JPH2: variants seen among roughly 807,000 people sequenced by gnomAD.
JPH2 encodes the protein junctophilin 2.
A neutral mutation model predicts 55.9 loss-of-function variants in JPH2; 38 were observed. That is an observed-to-expected ratio of 0.68 (90% CI 0.52 to 0.89). The LOEUF is 0.89. Ranked by LOEUF, JPH2 falls within the 40% of genes least tolerant of loss-of-function variation. The probability of loss-of-function intolerance (pLI) is 0.00; values close to 1 mark genes in which losing one functional copy is unlikely to be tolerated. For missense variants in JPH2, 964 were observed against 1,037.6 expected (o/e 0.93, Z 0.97); for synonymous variants, 480 against 472.4 (o/e 1.02, Z -0.21).
At chr20:44,173,966 C>A (rs1439438648) in intron 1 of JPH2, among the ~76,000 whole-genome samples, 1 of 152,132 alleles carries the variant, frequency 6.6e-6, no homozygotes, top group Non-Finnish European at 1.5e-5. Context: ...TCTTCTAGTC[C>A]AAGCCCATAA....
intron 2 of JPH2, among the ~76,000 whole-genome samples, chr20:44,127,652 A>ATT (rs200155785): frequency 1.8e-4 from 27 of 150,758 alleles, no homozygotes; most frequent in South Asian, 6.3e-4. Context: ...TGCCTGGCTG[A>ATT]TTTTTTTTTG....
intron 2 of JPH2, among the ~76,000 whole-genome samples, chr20:44,120,010 C>G (rs2072223783): frequency 6.6e-6 from 1 of 152,096 alleles, no homozygotes; most frequent in African/African-American, 2.4e-5. Flanking sequence ...ATCCATGCTC[C>G]AGAGCCCCCG....
At chr20:44,161,913 C>T (rs1165505519) in intron 1 of JPH2, among the ~76,000 whole-genome samples, 1 of 152,136 alleles carries the variant, frequency 6.6e-6, no homozygotes, top group Non-Finnish European at 1.5e-5. Context: ...CTCCAGATGT[C>T]ACCTTGGAAA....
chr20:44,127,155 C>T (rs909547647), intron 2 of JPH2, among the ~76,000 whole-genome samples: 3 of 152,196 alleles, frequency 2.0e-5, no homozygotes, highest in African/African-American at 7.2e-5. Context: ...CTTTTTATTG[C>T]TAACTAATAT....
At chr20:44,118,742 T>C in intron 2 of JPH2, 119 bp from the exon 3 acceptor site, 1 of 811,130 alleles carries the variant, frequency 1.2e-6, no homozygotes, top group Non-Finnish European at 2.1e-6. Flanking sequence ...AGGCAGTCAA[T>C]GAATATTTAT....
intron 1 of JPH2, among the ~76,000 whole-genome samples, chr20:44,179,888 G>T (rs571133990): frequency 6.6e-6 from 1 of 152,196 alleles, no homozygotes; most frequent in Middle Eastern, 3.2e-3. Context: ...AACAGGAGCC[G>T]TAACTACTTC....
At chr20:44,182,241 G>A (rs1162527920) in intron 1 of JPH2, among the ~76,000 whole-genome samples, 1 of 152,188 alleles carries the variant, frequency 6.6e-6, no homozygotes, top group Non-Finnish European at 1.5e-5. Flanking sequence ...CAAAGGGTGA[G>A]TGCAGATCCT....
Position 44,116,292 on chromosome 20 carries a change from GC to G in JPH2, c.1382del (p.Gly461AlafsTer47). 1 of 1,538,434 alleles carries G rather than the reference GC, an allele frequency of 6.5e-7. No homozygotes were observed. Among genetic ancestry groups the G allele is most frequent in the Non-Finnish European group, 8.7e-7 (1 of 1,144,776 alleles). ...EPPDRGAGAA[G>X]LPQPPRESPQ... ...GGCTCTCGCGGGGCGGCTGTGGGAG[GC>G]CCGCTGCGCCGGCGCCCCGGTCGGG... On this transcript the variant is annotated frameshift_variant, in exon 4 of 6. Coordinates refer to ENST00000372980, the MANE Select transcript of JPH2 (RefSeq NM_020433.5). LOFTEE classifies it high-confidence loss of function.
intron 1 of JPH2, among the ~76,000 whole-genome samples, chr20:44,163,800 CT>C: frequency 6.6e-6 from 1 of 152,330 alleles, no homozygotes; most frequent in South Asian, 2.1e-4. Flanking sequence ...CCATCAATTC[CT>C]GTTTATTCTG....
Position 44,160,013 on chromosome 20 carries a change from G to T in JPH2, c.774C>A (p.Ser258Arg). 6.4e-7 allele frequency: 1 copy of T among 1,571,004 alleles called. No homozygotes were observed. The highest frequency in any genetic ancestry group is 8.6e-7 in the Non-Finnish European group (1 of 1,165,510). Residue 258 changes from serine (S) to arginine (R), a missense_variant, in exon 2 of 6, where the codon AGC (serine) becomes AGA (arginine). Physicochemically the swap from Ser to Arg is moderately radical, Grantham distance 110. Transcript: ENST00000372980. The surrounding 1 kb of genome is among the most constrained non-coding windows in gnomAD (Gnocchi z 4.9). ...CCAGGCTGGCGGTGGACGCGGCGTC[G>T]CTGGCGCCCGAGCTGAGGTCGCTCT... ...FLKSDLSSGA[S>R]DAASTASLGE...
intron 5 of JPH2, among the ~76,000 whole-genome samples, chr20:44,113,847 G>A (rs903244646): frequency 6.6e-6 from 1 of 152,170 alleles, no homozygotes; most frequent in African/African-American, 2.4e-5. Flanking sequence ...CATTCCCAGA[G>A]CCCCTGTTGA....
At chr20:44,185,873 AGAT>A (rs2072834763) in intron 1 of JPH2, among the ~76,000 whole-genome samples, 1 of 150,070 alleles carries the variant, frequency 6.7e-6, no homozygotes, top group African/African-American at 2.5e-5. Flanking sequence ...GTGTGTGGAT[AGAT>A]GATGAGTGGA....
chr20:44,123,963 C>T (rs2072257915), intron 2 of JPH2, among the ~76,000 whole-genome samples: 3 of 152,182 alleles, frequency 2.0e-5, no homozygotes, highest in African/African-American at 4.8e-5. Context: ...AGCATTCCTG[C>T]TCTGCTGACC....
intron 1 of JPH2, among the ~76,000 whole-genome samples, chr20:44,168,788 T>A (rs1043664959): frequency 6.6e-6 from 1 of 152,216 alleles, no homozygotes; most frequent in Non-Finnish European, 1.5e-5. Context: ...GCAAGTGCTA[T>A]GGTTCAGATG....
chr20:44,114,020 A>G (rs2072166807), intron 5 of JPH2, among the ~76,000 whole-genome samples: 1 of 152,238 alleles, frequency 6.6e-6, no homozygotes, highest in Admixed American at 6.5e-5. Context: ...CCTGAGGAAA[A>G]GGCAGAAACC....
In JPH2 at chr20:44,160,005, G is replaced by A. The variant is rs2072597044; in HGVS notation, c.782C>T (p.Ala261Val). 1.3e-6 allele frequency: 2 copies of A among 1,577,464 alleles called. No homozygotes were observed. Among genetic ancestry groups the A allele is most frequent in the Admixed American group, 1.8e-5 (1 of 56,300 alleles). The change falls in exon 2 of 6, where the codon GCG (alanine) becomes GTG (valine). Residue 261 changes from alanine (A) to valine (V), a missense_variant. Ala to Val is a moderately conservative substitution (Grantham distance 64, BLOSUM62 0). Coordinates refer to ENST00000372980, the MANE Select transcript of JPH2 (RefSeq NM_020433.5). This position sits in a 1 kb window ranked among gnomAD's most constrained non-coding sequence, Gnocchi z 4.9. The stretch of plus-strand genomic sequence containing the variant: ...GGCCTCTCCCAGGCTGGCGGTGGAC[G>A]CGGCGTCGCTGGCGCCCGAGCTGAG... ...SDLSSGASDAASTASLGEAAE... is the reference protein window; with the variant it reads ...SDLSSGASDAVSTASLGEAAE...
rs577608659 is a variant in JPH2, at chr20:44,110,997, C to T, written c.*2521G>A. ...CTCCAACCCCCTCGCTGGGAACCACCGGCTGTGAGAGTAACTTCATGGGCA... is the reference window on the plus strand; with the variant it reads ...CTCCAACCCCCTCGCTGGGAACCACTGGCTGTGAGAGTAACTTCATGGGCA... On this transcript the variant is annotated 3_prime_UTR_variant, in exon 6 of 6. Transcript: ENST00000372980. 5.9e-5 allele frequency among the ~76,000 whole-genome samples: 9 copies of T among 152,188 alleles called. No homozygotes were observed. Among genetic ancestry groups the T allele is most frequent in the Admixed American group, 5.2e-4 (8 of 15,278 alleles).
chr20:44,173,459 C>T (rs1440920669), intron 1 of JPH2, among the ~76,000 whole-genome samples: 2 of 152,090 alleles, frequency 1.3e-5, no homozygotes, highest in Non-Finnish European at 2.9e-5. Flanking sequence ...CTCCCTAGCC[C>T]CCTGCCCGCC....
Position 44,110,598 on chromosome 20 carries a change from T to C in JPH2, c.*2920A>G, listed in dbSNP as rs1310369181. Reference sequence around the variant, plus strand: ...CGCCACCACACTTGGCTAATTTTTGTATTTTCTTTTTTAGTAGAGATGGGG... The same window carrying C: ...CGCCACCACACTTGGCTAATTTTTGCATTTTCTTTTTTAGTAGAGATGGGG... On this transcript the variant is annotated 3_prime_UTR_variant, in exon 6 of 6. Coordinates refer to ENST00000372980, the MANE Select transcript of JPH2 (RefSeq NM_020433.5). Among the ~76,000 whole-genome samples the C allele has an allele frequency of 6.6e-6, 1 of 152,088 alleles. No homozygotes were observed. The highest frequency in any genetic ancestry group is 1.5e-5 in the Non-Finnish European group (1 of 68,018).
Sources: allele counts gnomAD v4.1 joint callset (sites outside exome capture counted in the v4.1 genomes callset), GRCh38; gene constraint gnomAD v4.1.1; non-coding constraint Gnocchi (gnomAD v3.1); transcripts MANE v1.5; gene names NCBI Gene and HGNC (gene_info 2026-07-23, HGNC 2026-07-21).